Variants in DRAM2 observed in about 807,000 individuals in gnomAD.
DRAM2 encodes the protein DNA damage-regulated autophagy modulator protein 2.
DRAM2 carries 26 observed loss-of-function variants against 33.5 expected under a neutral mutation model. That is an observed-to-expected ratio of 0.78 (90% CI 0.57 to 1.08). DRAM2 has a LOEUF of 1.08. DRAM2 is among the 50% of genes least tolerant of loss of function. The pLI is 0.00. For missense variants in DRAM2, 311 were observed against 318.1 expected (o/e 0.98, Z 0.17); for synonymous variants, 98 against 109.5 (o/e 0.89, Z 0.66).
chr1:111,119,785 T>C, intron 8 of DRAM2, 92 bp downstream of exon 8: 1 of 1,072,716 alleles, frequency 9.3e-7, no homozygotes, highest in South Asian at 1.4e-5. Context: ...CAGAAGACTT[T>C]CATTGTTACT....
At chr1:111,126,319 T>A in intron 4 of DRAM2, 25 bp from the exon 5 acceptor site, 2 of 1,464,604 alleles carry the variant, frequency 1.4e-6, no homozygotes, top group Non-Finnish European at 1.9e-6. Context: ...GGAAGGTATG[T>A]GGATTTCTCA....
chr1:111,136,286 G>A (rs1653121171), intron 3 of DRAM2, among the ~76,000 whole-genome samples: 1 of 152,098 alleles, frequency 6.6e-6, no homozygotes, highest in Admixed American at 6.5e-5. Context: ...ATAATGTGAG[G>A]CTGGGTGCGG....
At chr1:111,124,904 AC>A (rs779513262) in intron 5 of DRAM2, 23 bp from the exon 6 acceptor site, 173 of 1,606,642 alleles carry the variant, frequency 1.1e-4, no homozygotes, top group Non-Finnish European at 1.3e-4. Flanking sequence ...AATCCAAAAA[AC>A]AACAAAGTAA....
chr1:111,129,734 CA>C (rs1225255751), intron 4 of DRAM2, among the ~76,000 whole-genome samples: 1 of 149,814 alleles, frequency 6.7e-6, no homozygotes, highest in African/African-American at 2.5e-5. Flanking sequence ...TTGTAACAGC[CA>C]AAAAAAAGGG....
In DRAM2 at chr1:111,120,695, T is replaced by C. The variant is rs1292874452; in HGVS notation, c.340-2A>G. 6.6e-7 allele frequency: 1 copy of C among 1,519,920 alleles called. No individual in the cohort carries two copies. The highest frequency in any genetic ancestry group is 2.1e-5 in the Admixed American group (1 of 48,500). 94.2% of individuals were successfully genotyped at this position (1,519,920 alleles called of 1,614,324 possible). On this transcript the variant is annotated splice_acceptor_variant, in intron 6 of 9. Coordinates refer to ENST00000484310, the MANE Select transcript of DRAM2 (RefSeq NM_001349884.2). LOFTEE classifies it high-confidence loss of function. ...ATGTGCAGCAAAAAGGGTTGTTTTC[T>C]GAGAGATAGAGAGAAGAAATACGTC...
At position 111,126,399 on chromosome 1, in the gene DRAM2, T is replaced by G. The variant is rs559056173; in HGVS notation, c.132-105A>C. On this transcript the variant is annotated intron_variant, in intron 4 of 9. Transcript: ENST00000484310. Reference sequence around the variant, plus strand: ...GGAGTTAATTCAAACCTCTTATCTTTTATAAATCCATGAGTTCAACTCATA... The same window carrying G: ...GGAGTTAATTCAAACCTCTTATCTTGTATAAATCCATGAGTTCAACTCATA... 2.6e-5 allele frequency: 17 copies of G among 665,192 alleles called. No homozygotes were observed. The African/African-American group carries it at 2.7e-4, about 11-fold the overall frequency. 41.2% of individuals were successfully genotyped at this position (665,192 alleles called of 1,614,324 possible).
chr1:111,119,804 G>A lies in DRAM2; in HGVS notation c.600+73C>T, dbSNP rs375298303. ...AGACTTTCATTGTTACTGATGAAATGAAAAACATATCAAGATCAATCAAAA... is the reference window on the plus strand; with the variant it reads ...AGACTTTCATTGTTACTGATGAAATAAAAAACATATCAAGATCAATCAAAA... On this transcript the variant is annotated intron_variant, in intron 8 of 9. Coordinates refer to ENST00000484310, the MANE Select transcript of DRAM2 (RefSeq NM_001349884.2). The A allele has an allele frequency of 4.0e-6, 5 of 1,251,722 alleles. No homozygotes were observed. The East Asian group carries it at 1.2e-4, about 30-fold the overall frequency. 77.5% of individuals were successfully genotyped at this position (1,251,722 alleles called of 1,614,324 possible). A position where few individuals can be genotyped will look rare whatever the true frequency, so the allele number is the denominator to read the frequency against.
intron 4 of DRAM2, 36 bp downstream of exon 4, chr1:111,131,388 A>G (rs1338155473): frequency 3.2e-6 from 5 of 1,571,868 alleles, no homozygotes; most frequent in African/African-American, 1.4e-5. Flanking sequence ...AATGAGACAT[A>G]AAGAGTCTCC....
Position 111,118,214 on chromosome 1 carries a change from A to G in DRAM2, c.747T>C (p.Thr249=), listed in dbSNP as rs1649300877. 1 of 1,613,090 alleles carries G rather than the reference A, an allele frequency of 6.2e-7. No individual in the cohort carries two copies. The highest frequency in any genetic ancestry group is 8.5e-7 in the Non-Finnish European group (1 of 1,179,304). Residue 249 remains threonine (T), a synonymous_variant, in exon 10 of 10, where the codon ACT becomes ACC. Transcript: ENST00000484310. ...GTTCATTGTTAATAGGGCAAGGTGC[A>G]GTGTCATAGAGGGTTAATCCATGTA... is the stretch of plus-strand genomic sequence containing the variant. ...ANLHGLTLYD[T]APCPINNERT...
chr1:111,124,835 A>G lies in DRAM2; in HGVS notation c.246T>C (p.Ser82=). 6.2e-7 allele frequency: 1 copy of G among 1,613,452 alleles called. No homozygotes were observed. Among genetic ancestry groups the G allele is most frequent in the East Asian group, 2.2e-5 (1 of 44,826 alleles). The change falls in exon 6 of 10, where the codon AGT becomes AGC. Residue 82 remains serine (S), a synonymous_variant. Coordinates refer to ENST00000484310, the MANE Select transcript of DRAM2 (RefSeq NM_001349884.2). The part of the protein sequence containing the change: ...YVRYKQVHAL[S]PEENVIIKLN... Reference sequence around the variant, plus strand: ...ATTTGATGATAACGTTCTCTTCAGGACTCAGAGCATGAACTTGCTTATAAC... The same window carrying G: ...ATTTGATGATAACGTTCTCTTCAGGGCTCAGAGCATGAACTTGCTTATAAC...
chr1:111,133,016 G>A (rs750866109), intron 3 of DRAM2, among the ~76,000 whole-genome samples: 1 of 151,848 alleles, frequency 6.6e-6, no homozygotes, highest in Non-Finnish European at 1.5e-5. Flanking sequence ...CTCCAGTCTT[G>A]ACCAAACCAA....
intron 3 of DRAM2, 81 bp downstream of exon 3, chr1:111,137,442 A>T (rs1243462179): frequency 6.6e-6 from 1 of 152,150 alleles, no homozygotes; most frequent in Non-Finnish European, 1.5e-5. Flanking sequence ...ATAGAGGTTT[A>T]TTCAAGGATT....
chr1:111,117,617 C>G lies in DRAM2; in HGVS notation c.*543G>C, dbSNP rs558345137. 5 of 154,420 alleles carry G rather than the reference C, an allele frequency of 3.2e-5. No homozygotes were observed. Among genetic ancestry groups the G allele is most frequent in the Non-Finnish European group, 5.8e-5 (4 of 69,540 alleles). 9.6% of individuals were successfully genotyped at this position (154,420 alleles called of 1,614,324 possible). ...GGGCAACACTTAAGCCATGGAAGAG[C>G]CCACATGAATCCAGGTCTACTTTCC... On this transcript the variant is annotated 3_prime_UTR_variant, in exon 10 of 10. Transcript: ENST00000484310.
intron 6 of DRAM2, among the ~76,000 whole-genome samples, chr1:111,123,934 T>G (rs1456710119): frequency 6.6e-6 from 1 of 152,216 alleles, no homozygotes; most frequent in Non-Finnish European, 1.5e-5. Flanking sequence ...TCATGCTTCT[T>G]GTACAACCTG....
intron 4 of DRAM2, among the ~76,000 whole-genome samples, chr1:111,128,516 T>TG (rs1040695703): frequency 6.6e-6 from 1 of 152,116 alleles, no homozygotes; most frequent in African/African-American, 2.4e-5. Context: ...TCGGTATCTG[T>TG]GGGGGACTGG....
chr1:111,120,301 T>C (rs1649724092), intron 7 of DRAM2, among the ~76,000 whole-genome samples: 1 of 143,120 alleles, frequency 7.0e-6, no homozygotes, highest in Admixed American at 7.6e-5. Context: ...CCTAGCTCAA[T>C]TACTGAGGCA....
At chr1:111,136,729 C>G (rs1393403992) in intron 3 of DRAM2, among the ~76,000 whole-genome samples, 1 of 152,114 alleles carries the variant, frequency 6.6e-6, no homozygotes, top group Non-Finnish European at 1.5e-5. Flanking sequence ...TTTTTAATTC[C>G]TCAGTCACAC....
rs938270017 is a variant in DRAM2 at position 111,118,613 on chromosome 1, A to G, written c.693+192T>C. On this transcript the variant is annotated intron_variant, in intron 9 of 9. Coordinates refer to ENST00000484310, the MANE Select transcript of DRAM2 (RefSeq NM_001349884.2). ...CCCATTTTCAAGGCTAAATCTTGCT[A>G]GCAATACACTACTTCTTTAAACACA... 4 of 504,916 alleles carry G rather than the reference A, an allele frequency of 7.9e-6. No individual in the cohort carries two copies. In the African/African-American group the frequency reaches 8.1e-5, roughly 10 times the overall value. 31.3% of individuals were successfully genotyped at this position (504,916 alleles called of 1,614,324 possible).
chr1:111,126,939 C>T (rs750022463), intron 4 of DRAM2, among the ~76,000 whole-genome samples: 19 of 152,200 alleles, frequency 1.2e-4, no homozygotes, highest in Non-Finnish European at 1.8e-4. Flanking sequence ...ACTTACCACA[C>T]AGCATTGCAA....
Sources: gnomAD v4.1 joint callset for allele counts (sites outside exome capture counted in the v4.1 genomes callset) on GRCh38, gnomAD v4.1.1 for gene constraint, MANE v1.5 for transcripts, NCBI Gene and HGNC (gene_info 2026-07-23, HGNC 2026-07-21) for gene names.